The following PTPN14 variants were observed in gnomAD, a reference collection of about 807,000 sequenced individuals.
The protein encoded by PTPN14 is tyrosine-protein phosphatase non-receptor type 14.
A neutral mutation model predicts 126.8 loss-of-function variants in PTPN14; 53 were observed. The observed-to-expected ratio is 0.42, with a 90% confidence interval of 0.34 to 0.53. The LOEUF (loss-of-function observed/expected upper bound fraction) is 0.53, where lower values mean the gene tolerates loss of function less well. Among genes scored for constraint, PTPN14 ranks in the 20% least tolerant of loss-of-function variants. The pLI, the probability that PTPN14 is intolerant of heterozygous loss-of-function variation, is 0.08. For missense variants in PTPN14, 1,257 were observed against 1,552.9 expected, an observed-to-expected ratio of 0.81 and a Z score of 3.20; for synonymous variants, 630 against 599.3, an observed-to-expected ratio of 1.05 and a Z score of -0.75.
At position 214,377,998 on chromosome 1, in the gene PTPN14, C is replaced by A. The variant is rs771521435; in HGVS notation, c.2649G>T (p.Glu883Asp). Residue 883 changes from glutamate to aspartate, a missense_variant, in exon 14 of 19, where the codon GAG (glutamate) becomes GAT (aspartate). Glu to Asp is a conservative substitution (Grantham distance 45). Transcript: ENST00000366956. ...GAACCCGGGTGGCATCAACTCGATT[C>A]TCTTCCCGCCCTGAGACTCGAGCCA... Reference protein sequence around the residue: ...LSVARVSGREENRVDATRVPM... With the variant: ...LSVARVSGREDNRVDATRVPM... The A allele has an allele frequency of 6.2e-7, 1 of 1,613,638 alleles. No homozygotes were observed. Among genetic ancestry groups the A allele is most frequent in the East Asian group, 2.2e-5 (1 of 44,864 alleles).
At chr1:214,475,779 T>G (rs1406032170) in intron 1 of PTPN14, among the ~76,000 whole-genome samples, 1 of 152,104 alleles carries the variant, frequency 6.6e-6, no homozygotes, top group East Asian at 1.9e-4. Flanking sequence ...TCACCCCATT[T>G]TACACACTAA....
intron 1 of PTPN14, among the ~76,000 whole-genome samples, chr1:214,485,869 G>C (rs376715056): frequency 6.6e-6 from 1 of 152,062 alleles, no homozygotes; most frequent in South Asian, 2.1e-4. Context: ...GGGACTACAG[G>C]CGCCCGCCGC....
chr1:214,476,408 A>G (rs1232259340), intron 1 of PTPN14, among the ~76,000 whole-genome samples: 1 of 152,210 alleles, frequency 6.6e-6, no homozygotes, highest in African/African-American at 2.4e-5. Context: ...GGACAGAAGT[A>G]GCCAAGAAAG....
rs1558127203 is a variant in PTPN14, at chr1:214,490,912, G to GAAA, written c.-154-25956_-154-25955insTTT. On this transcript the variant is annotated intron_variant, in intron 1 of 18. Transcript: ENST00000366956. ...GGGGAGGGGAGGGAAGGGGAAGGAA[G>GAAA]GGAAGGAAAGAAAGGAAGGAAAGAA... Among the ~76,000 whole-genome samples, 131 of 17,098 alleles carry GAAA rather than the reference G, an allele frequency of 7.7e-3. 9 individuals are homozygous for GAAA. The highest frequency in any genetic ancestry group is 0.023 in the African/African-American group (127 of 5,408). 11.2% of individuals were successfully genotyped at this position (17,098 alleles called of 152,430 possible). A position where few individuals can be genotyped will look rare whatever the true frequency, so the allele number is the denominator to read the frequency against.
At chr1:214,539,062 A>G (rs1655776987) in intron 1 of PTPN14, among the ~76,000 whole-genome samples, 1 of 152,214 alleles carries the variant, frequency 6.6e-6, no homozygotes. Context: ...TATTTAAAAA[A>G]TTAAAGTTAG....
At chr1:214,459,275 C>G (rs1360791252) in intron 2 of PTPN14, among the ~76,000 whole-genome samples, 1 of 151,776 alleles carries the variant, frequency 6.6e-6, no homozygotes, top group East Asian at 1.9e-4. Flanking sequence ...GCCTCAGCCT[C>G]CTGAGTGGCT....
chr1:214,525,162 A>T (rs1350911396), intron 1 of PTPN14, among the ~76,000 whole-genome samples: 2 of 152,220 alleles, frequency 1.3e-5, no homozygotes, highest in Non-Finnish European at 2.9e-5. Flanking sequence ...CGGTGCCAGC[A>T]CTGTGACAGA....
chr1:214,518,640 A>T (rs1406625384), intron 1 of PTPN14, among the ~76,000 whole-genome samples: 2 of 152,184 alleles, frequency 1.3e-5, no homozygotes, highest in Non-Finnish European at 2.9e-5. Flanking sequence ...ACCATTTAAA[A>T]TCCCACTGGG....
intron 1 of PTPN14, among the ~76,000 whole-genome samples, chr1:214,487,761 AG>A (rs1661148225): frequency 6.6e-6 from 1 of 152,226 alleles, no homozygotes; most frequent in Non-Finnish European, 1.5e-5. Context: ...TAACATGTTA[AG>A]CAGTGACCTA....
At chr1:214,480,720 G>A (rs574205555) in intron 1 of PTPN14, among the ~76,000 whole-genome samples, 1 of 152,298 alleles carries the variant, frequency 6.6e-6, no homozygotes, top group South Asian at 2.1e-4. Flanking sequence ...CCCACCAAGT[G>A]TTAACTACAG....
At chr1:214,472,908 TGTA>T (rs779794094) in intron 1 of PTPN14, among the ~76,000 whole-genome samples, 4 of 152,244 alleles carry the variant, frequency 2.6e-5, no homozygotes, top group Non-Finnish European at 5.9e-5. Context: ...TAAAAAGTGT[TGTA>T]GTGTGCCCAT....
At chr1:214,544,143 G>A (rs1655910797) in intron 1 of PTPN14, among the ~76,000 whole-genome samples, 1 of 152,216 alleles carries the variant, frequency 6.6e-6, no homozygotes, top group African/African-American at 2.4e-5. Context: ...AGAAAAGAAT[G>A]GGCTGGGCAC....
intron 2 of PTPN14, among the ~76,000 whole-genome samples, chr1:214,454,304 C>A (rs1660334824): frequency 6.6e-6 from 1 of 152,132 alleles, no homozygotes; most frequent in Admixed American, 6.5e-5. Context: ...ACACTTCATT[C>A]AAATTAGTAA....
intron 1 of PTPN14, among the ~76,000 whole-genome samples, chr1:214,514,952 G>C (rs577167125): frequency 6.6e-6 from 1 of 152,270 alleles, no homozygotes; most frequent in East Asian, 1.9e-4. Flanking sequence ...TCGGTCGCCT[G>C]GCAGCTCCCC....
chr1:214,466,692 T>A (rs1459434102), intron 1 of PTPN14, among the ~76,000 whole-genome samples: 1 of 152,172 alleles, frequency 6.6e-6, no homozygotes, highest in African/African-American at 2.4e-5. Flanking sequence ...TATCTCTTGC[T>A]CATCTGATTG....
rs1660354386 is a variant in PTPN14 at position 214,455,094 on chromosome 1, T to C, written c.175-3120A>G. ...CTTGAAAGTCCAATACAGCACATGT[T>C]TATTCTCCCACGTCTACACAGTGCC... On this transcript the variant is annotated intron_variant, in intron 2 of 18. Transcript: ENST00000366956. Among the ~76,000 whole-genome samples the C allele has an allele frequency of 2.6e-5, 4 of 152,176 alleles. No individual in the cohort carries two copies. The South Asian group carries it at 8.3e-4, about 32-fold the overall frequency.
chr1:214,408,158 T>C (rs1434093844), intron 5 of PTPN14, among the ~76,000 whole-genome samples: 1 of 152,204 alleles, frequency 6.6e-6, no homozygotes, highest in African/African-American at 2.4e-5. Flanking sequence ...TATTCTGATT[T>C]TGCAAACTTC....
chr1:214,550,063 C>T (rs1656068018), intron 1 of PTPN14, among the ~76,000 whole-genome samples: 1 of 152,200 alleles, frequency 6.6e-6, no homozygotes, highest in African/African-American at 2.4e-5. Flanking sequence ...AAGTGTAGTG[C>T]ACCCTTCACC....
chr1:214,435,317 C>T (rs1297652255), intron 3 of PTPN14, among the ~76,000 whole-genome samples: 2 of 151,814 alleles, frequency 1.3e-5, no homozygotes, highest in African/African-American at 2.4e-5. Flanking sequence ...CAACAATATC[C>T]GTAATTCAAC....
Sources: allele counts gnomAD v4.1 joint callset (sites outside exome capture counted in the v4.1 genomes callset), GRCh38; gene constraint gnomAD v4.1.1; transcripts MANE v1.5; gene names NCBI Gene and HGNC (gene_info 2026-07-23, HGNC 2026-07-21).